Variants in CALN1 observed in about 807,000 individuals in gnomAD.
The protein encoded by CALN1 is calcium-binding protein 8.
In CALN1, 17 loss-of-function variants were observed where a neutral mutation model predicts 30.6. That is an observed-to-expected ratio of 0.56 (90% CI 0.38 to 0.83). CALN1 has a LOEUF of 0.83. Among genes scored for constraint, CALN1 ranks in the 40% least tolerant of loss-of-function variants. The pLI is 0.00. For missense variants in CALN1, 291 were observed against 354.9 expected, an observed-to-expected ratio of 0.82 and a Z score of 1.45; for synonymous variants, 156 against 131.4, an observed-to-expected ratio of 1.19 and a Z score of -1.28.
intron 5 of CALN1, among the ~76,000 whole-genome samples, chr7:71,817,913 A>G (rs538631825): frequency 6.6e-6 from 1 of 152,012 alleles, no homozygotes; most frequent in African/African-American, 2.4e-5. Flanking sequence ...AAGGACCATG[A>G]GTAGCATATT....
intron 4 of CALN1, among the ~76,000 whole-genome samples, chr7:72,073,072 A>G (rs1040883258): frequency 3.3e-5 from 5 of 152,216 alleles, no homozygotes; most frequent in Admixed American, 1.3e-4. Context: ...AATCTAAAAA[A>G]GGAAGGAAAT....
intron 3 of CALN1, among the ~76,000 whole-genome samples, chr7:72,269,778 G>C (rs1208276917): frequency 6.6e-6 from 1 of 152,162 alleles, no homozygotes; most frequent in Non-Finnish European, 1.5e-5. Context: ...TCAGTCTATA[G>C]TCAAATATTC....
At chr7:72,329,697 TA>T (rs1801529909) in intron 2 of CALN1, among the ~76,000 whole-genome samples, 1 of 152,238 alleles carries the variant, frequency 6.6e-6, no homozygotes. Flanking sequence ...CTCATGCCTG[TA>T]ATCCCAGCAC....
chr7:72,372,659 G>A (rs1804315313), intron 2 of CALN1, among the ~76,000 whole-genome samples: 1 of 152,164 alleles, frequency 6.6e-6, no homozygotes, highest in South Asian at 2.1e-4. Flanking sequence ...ACAGGGGACA[G>A]ATCTGAATAG....
chr7:72,176,122 A>G (rs1186730365), intron 3 of CALN1, among the ~76,000 whole-genome samples: 1 of 152,200 alleles, frequency 6.6e-6, no homozygotes, highest in African/African-American at 2.4e-5. Flanking sequence ...CTTAATCTGT[A>G]AGAGAGAGCA....
intron 5 of CALN1, among the ~76,000 whole-genome samples, chr7:71,866,540 A>G (rs922984862): frequency 5.3e-5 from 8 of 152,136 alleles, no homozygotes; most frequent in African/African-American, 1.9e-4. Context: ...TAGATATTGG[A>G]AAGAGATTTT....
intron 4 of CALN1, among the ~76,000 whole-genome samples, chr7:72,082,315 G>C (rs1432534696): frequency 2.0e-5 from 3 of 152,164 alleles, no homozygotes; most frequent in Non-Finnish European, 4.4e-5. Context: ...TGCTGTGACA[G>C]AGTCACATTC....
At chr7:72,092,453 C>T (rs1375322248) in intron 4 of CALN1, among the ~76,000 whole-genome samples, 1 of 151,986 alleles carries the variant, frequency 6.6e-6, no homozygotes, top group East Asian at 1.9e-4. Flanking sequence ...CCCACACACA[C>T]ATATATACAC....
intron 3 of CALN1, among the ~76,000 whole-genome samples, chr7:72,265,659 C>T (rs187606563): frequency 2.0e-5 from 3 of 152,140 alleles, no homozygotes; most frequent in African/African-American, 7.2e-5. Flanking sequence ...CTGAGATAAA[C>T]ACGTGGTTAC....
At chr7:71,998,558 T>G (rs1799366551) in intron 5 of CALN1, among the ~76,000 whole-genome samples, 1 of 151,206 alleles carries the variant, frequency 6.6e-6, no homozygotes. Flanking sequence ...CTACAAAAAC[T>G]ATACGAACAG....
intron 3 of CALN1, among the ~76,000 whole-genome samples, chr7:72,163,941 G>T (rs1474222654): frequency 6.6e-6 from 1 of 151,666 alleles, no homozygotes; most frequent in African/African-American, 2.4e-5. Context: ...AAGGCAAAAA[G>T]AAAGAAGAAA....
chr7:72,058,427 C>G (rs1166369837), intron 4 of CALN1, among the ~76,000 whole-genome samples: 1 of 147,620 alleles, frequency 6.8e-6, no homozygotes, highest in African/African-American at 2.5e-5. Flanking sequence ...AAGAGATTCT[C>G]CTGCCTCAGC....
chr7:72,431,856 A>G (rs1433837878), intron 1 of CALN1, among the ~76,000 whole-genome samples: 1 of 151,744 alleles, frequency 6.6e-6, no homozygotes, highest in Non-Finnish European at 1.5e-5. Context: ...AAAAAAAAAA[A>G]AAAAAACTAA....
At chr7:72,322,996 CAGGGG>C (rs778883143) in intron 2 of CALN1, among the ~76,000 whole-genome samples, 2 of 111,248 alleles carry the variant, frequency 1.8e-5, no homozygotes, top group African/African-American at 3.6e-5. Context: ...AGAAAAAGGA[CAGGGG>C]AGGGGAGGGG....
chr7:71,832,328 A>G (rs1355877991), intron 5 of CALN1, among the ~76,000 whole-genome samples: 1 of 152,212 alleles, frequency 6.6e-6, no homozygotes, highest in Non-Finnish European at 1.5e-5. Context: ...CAGATAGAGA[A>G]GAAAGCCATT....
chr7:72,270,661 G>C (rs1436606545), intron 3 of CALN1, among the ~76,000 whole-genome samples: 1 of 151,768 alleles, frequency 6.6e-6, no homozygotes, highest in Non-Finnish European at 1.5e-5. Context: ...TGTAGTCCCA[G>C]CTCCTTGGGA....
chr7:71,868,776 C>T (rs767592139), intron 5 of CALN1, among the ~76,000 whole-genome samples: 1 of 152,052 alleles, frequency 6.6e-6, no homozygotes, highest in Non-Finnish European at 1.5e-5. Context: ...GATAATTCAA[C>T]GTGAGATTTG....
intron 2 of CALN1, among the ~76,000 whole-genome samples, chr7:72,308,156 G>A (rs547679167): frequency 6.6e-6 from 1 of 152,230 alleles, no homozygotes; most frequent in African/African-American, 2.4e-5. Context: ...TTGAGGTCAG[G>A]GGTTTGAGGC....
At chr7:72,083,763 A>G (rs188370845) in intron 4 of CALN1, among the ~76,000 whole-genome samples, 8 of 152,244 alleles carry the variant, frequency 5.3e-5, no homozygotes, top group African/African-American at 1.9e-4. Flanking sequence ...TACTAAAAAT[A>G]CAAAAATTAG....
Sources: gnomAD v4.1 joint callset for allele counts (sites outside exome capture counted in the v4.1 genomes callset) on GRCh38, gnomAD v4.1.1 for gene constraint, MANE v1.5 for transcripts, NCBI Gene and HGNC (gene_info 2026-07-23, HGNC 2026-07-21) for gene names.